Variants in RHBDL3 observed in about 807,000 individuals in gnomAD.
RHBDL3 encodes rhomboid-related protein 3.
In RHBDL3, 28 loss-of-function variants were observed where a neutral mutation model predicts 48.2. That is an observed-to-expected ratio of 0.58 (90% confidence interval 0.43 to 0.80). The LOEUF (loss-of-function observed/expected upper bound fraction) is 0.80, where lower values mean the gene tolerates loss of function less well. Ranked by LOEUF, RHBDL3 falls within the 30% of genes least tolerant of loss-of-function variation. The pLI, the probability that RHBDL3 is intolerant of heterozygous loss-of-function variation, is 0.00. For synonymous variants in RHBDL3, 208 were observed against 232.3 expected, an observed-to-expected ratio of 0.90 and a Z score of 0.95; for missense variants, 464 against 542.7, an observed-to-expected ratio of 0.85 and a Z score of 1.44.
chr17:32,292,943 G>A (rs1482100130), intron 4 of RHBDL3, among the ~76,000 whole-genome samples: 1 of 151,916 alleles, frequency 6.6e-6, no homozygotes, highest in Non-Finnish European at 1.5e-5. Context: ...AGCTGAGACT[G>A]CCCCACTGCA....
rs1164936390 is a variant in RHBDL3 at position 32,323,512 on chromosome 17, TGGTGTG to T, written c.*2288_*2293del. Reference sequence around the variant, plus strand: ...CCTGTCCTGGCCCCTGGGGATTCTGTGGTGTGGGTGGAATGAGCAGAGTGCCACCTC... The same window carrying T: ...CCTGTCCTGGCCCCTGGGGATTCTGTGGTGGAATGAGCAGAGTGCCACCTC... On this transcript the variant is annotated 3_prime_UTR_variant, in exon 9 of 9. Transcript: ENST00000269051. 1.3e-5 allele frequency: 2 copies of T among 152,338 alleles called. No homozygotes were observed. The highest frequency in any genetic ancestry group is 4.8e-5 in the African/African-American group (2 of 41,374). 9.4% of individuals were successfully genotyped at this position (152,338 alleles called of 1,614,324 possible). A position where few individuals can be genotyped will look rare whatever the true frequency, so the allele number is the denominator to read the frequency against.
rs1419239092 is a variant in RHBDL3 at position 32,296,718 on chromosome 17, T to C, written c.669-1374T>C. Among the ~76,000 whole-genome samples the C allele has an allele frequency of 4.6e-5, 7 of 152,240 alleles. No homozygotes were observed. The East Asian group carries it at 1.3e-3, about 29-fold the overall frequency. On this transcript the variant is annotated intron_variant, in intron 5 of 8. Coordinates refer to ENST00000269051, the MANE Select transcript of RHBDL3 (RefSeq NM_138328.3). ...TTGAATTATTAAGTTATAAGATGTA[T>C]ATTTAATGCCTGCACTTGTTTTGAG...
At chr17:32,285,058 G>T (rs2040161522) in intron 3 of RHBDL3, among the ~76,000 whole-genome samples, 1 of 151,404 alleles carries the variant, frequency 6.6e-6, no homozygotes, top group South Asian at 2.1e-4. Context: ...TCCTGTTGTG[G>T]CAGCAAAGTG....
rs1597604827 is a variant in RHBDL3, at chr17:32,269,442, G to T, written c.135+1517G>T. On this transcript the variant is annotated intron_variant, in intron 2 of 8. Transcript: ENST00000269051. ...CAAGTTCAGTTAGAGGAGCCAGCCG[G>T]TTGCAGATGCCGGAGTGGGCGTGAT... 2.6e-5 allele frequency among the ~76,000 whole-genome samples: 4 copies of T among 152,376 alleles called. No individual in the cohort carries two copies. The South Asian group carries it at 8.3e-4, about 32-fold the overall frequency.
intron 2 of RHBDL3, among the ~76,000 whole-genome samples, chr17:32,274,137 C>T (rs1567761670): frequency 6.6e-6 from 1 of 152,204 alleles, no homozygotes; most frequent in South Asian, 2.1e-4. Context: ...TCACATTTCC[C>T]CTGAACTTTC....
chr17:32,321,015 C>T lies in RHBDL3; in HGVS notation c.1001C>T (p.Pro334Leu), dbSNP rs774355408. 6.2e-6 allele frequency: 10 copies of T among 1,614,176 alleles called. No homozygotes were observed. Among genetic ancestry groups the T allele is most frequent in the South Asian group, 3.3e-5 (3 of 91,080 alleles). ...CGCTTCCACCCGTCGGCCTATCCCC[C>T]GTGCCCTCACCCAAGCTTTGTGGCG... ...WLRFHPSAYP[P>L]CPHPSFVAHL... Residue 334 changes from proline to leucine, a missense_variant, in exon 9 of 9, where the codon CCG (proline) becomes CTG (leucine). Pro to Leu is a moderately conservative substitution (Grantham distance 98, BLOSUM62 -3). Transcript: ENST00000269051.
chr17:32,283,865 C>T (rs1464695555), intron 2 of RHBDL3, among the ~76,000 whole-genome samples: 4 of 152,168 alleles, frequency 2.6e-5, no homozygotes, highest in Admixed American at 6.5e-5. Context: ...CTGGACAGAA[C>T]AGAGGGTTCC....
intron 7 of RHBDL3, among the ~76,000 whole-genome samples, chr17:32,312,179 C>T (rs1482593639): frequency 5.3e-5 from 8 of 152,204 alleles, no homozygotes; most frequent in African/African-American, 1.7e-4. Flanking sequence ...TCACGCCCTA[C>T]AATCCCAGCA....
Position 32,297,974 on chromosome 17 carries a change from A to T in RHBDL3, c.669-118A>T, listed in dbSNP as rs534404409. The T allele has an allele frequency of 9.8e-6, 7 of 715,200 alleles. No individual in the cohort carries two copies. In the South Asian group the frequency reaches 1.2e-4, roughly 12 times the overall value. The allele number at this position is 715,200 out of a possible 1,614,324, so 44.3% of individuals were successfully genotyped here. A position where few individuals can be genotyped will look rare whatever the true frequency, so the allele number is the denominator to read the frequency against. On this transcript the variant is annotated intron_variant, in intron 5 of 8. Coordinates refer to ENST00000269051, the MANE Select transcript of RHBDL3 (RefSeq NM_138328.3). ...TAGACCATGAGCTCCTCGCAGGCAG[A>T]GGTGGTCTTGTTCATTGCTGGATCC...
At position 32,291,324 on chromosome 17, in the gene RHBDL3, C is replaced by T. The variant is rs145664790; in HGVS notation, c.519+2308C>T. Among the ~76,000 whole-genome samples, 241 of 149,954 alleles carry T rather than the reference C, an allele frequency of 1.6e-3. 1 individual carries two copies. The highest frequency in any genetic ancestry group is 0.013 in the Admixed American group (194 of 15,000). On this transcript the variant is annotated intron_variant, in intron 4 of 8. Coordinates refer to ENST00000269051, the MANE Select transcript of RHBDL3 (RefSeq NM_138328.3). The stretch of plus-strand genomic sequence containing the variant: ...CTCCAGCCTGGGCGACAGAGCAAGA[C>T]TCCGTCTCAAAAAAGAAAAAAAGAA...
At chr17:32,296,981 A>G (rs2040466475) in intron 5 of RHBDL3, among the ~76,000 whole-genome samples, 2 of 151,696 alleles carry the variant, frequency 1.3e-5, no homozygotes, top group Non-Finnish European at 1.5e-5. Context: ...CAGCTTCTCT[A>G]GTAGCTGGGA....
chr17:32,324,533 G>C lies in RHBDL3; in HGVS notation c.*3304G>C, dbSNP rs11548608. The C allele has an allele frequency of 2.6e-5, 4 of 152,566 alleles. No individual in the cohort carries two copies. The highest frequency in any genetic ancestry group is 4.4e-5 in the Non-Finnish European group (3 of 68,032). The allele number at this position is 152,566 out of a possible 1,614,324, so 9.5% of individuals were successfully genotyped here. A position where few individuals can be genotyped will look rare whatever the true frequency, so the allele number is the denominator to read the frequency against. On this transcript the variant is annotated 3_prime_UTR_variant, in exon 9 of 9. Transcript: ENST00000269051. ...GCCCCTCCGAGGACTTGAGTAAGTG[G>C]AAAAAACAAAACACAGACTGCAATG...
rs575049240 is a variant in RHBDL3, at chr17:32,296,421, C to T, written c.669-1671C>T. Among the ~76,000 whole-genome samples the T allele has an allele frequency of 4.0e-4, 59 of 149,160 alleles. 1 individual carries two copies. The East Asian group carries it at 8.6e-3, about 22-fold the overall frequency. ...CGCGATCTTGGCTCACTGCAGCCAC[C>T]ACCTCCTGGGTTCAAGCGATTCTCC... On this transcript the variant is annotated intron_variant, in intron 5 of 8. Coordinates refer to ENST00000269051, the MANE Select transcript of RHBDL3 (RefSeq NM_138328.3).
rs73984515 is a variant in RHBDL3, at chr17:32,286,535, A to G, written c.294+1718A>G. On this transcript the variant is annotated intron_variant, in intron 3 of 8. Transcript: ENST00000269051. ...GAGCCTGCCTTTTCCCATTTGTAGA[A>G]TAGATCCAAAGGATCCTCTCTTTAG... is the stretch of plus-strand genomic sequence containing the variant. 6.2e-3 allele frequency among the ~76,000 whole-genome samples: 939 copies of G among 152,328 alleles called. 17 individuals carry two copies. Among genetic ancestry groups the G allele is most frequent in the African/African-American group, 0.021 (858 of 41,566 alleles).
chr17:32,317,989 G>A (rs9914933), intron 8 of RHBDL3, among the ~76,000 whole-genome samples: 2,001 of 150,624 alleles, frequency 0.013, 41 homozygotes, highest in African/African-American at 0.046. Context: ...TGGGAGGATC[G>A]CTTGAGCCCA....
At chr17:32,292,801 CAAAA>C (rs60403728) in intron 4 of RHBDL3, among the ~76,000 whole-genome samples, 38 of 77,252 alleles carry the variant, frequency 4.9e-4, no homozygotes, top group African/African-American at 1.4e-3. Flanking sequence ...GACTCCACCT[CAAAA>C]AAAAAAAAAA....
rs536613836 is a variant in RHBDL3, at chr17:32,266,342, C to A, written c.111+42C>A. ...CGCCCGGCAAACTTTCTAGGGGGCGCCGGGGGGAAAAGCCGCCCCTGTCTC... is the reference window on the plus strand; with the variant it reads ...CGCCCGGCAAACTTTCTAGGGGGCGACGGGGGGAAAAGCCGCCCCTGTCTC... On this transcript the variant is annotated intron_variant, in intron 1 of 8. Coordinates refer to ENST00000269051, the MANE Select transcript of RHBDL3 (RefSeq NM_138328.3). 1.8e-4 allele frequency: 207 copies of A among 1,146,240 alleles called. 1 individual carries two copies. In the African/African-American group the frequency reaches 3.1e-3, roughly 17 times the overall value. The allele number at this position is 1,146,240 out of a possible 1,614,324, so 71.0% of individuals were successfully genotyped here.
chr17:32,270,011 G>T (rs1459833323), intron 2 of RHBDL3, among the ~76,000 whole-genome samples: 1 of 151,732 alleles, frequency 6.6e-6, no homozygotes, highest in Non-Finnish European at 1.5e-5. Context: ...CTTCTGGGAG[G>T]CCTGCCCAGA....
intron 8 of RHBDL3, among the ~76,000 whole-genome samples, chr17:32,319,100 A>G (rs2041043887): frequency 6.6e-6 from 1 of 151,750 alleles, no homozygotes. Flanking sequence ...GAGGAAGGAA[A>G]GAGAAGCACG....
Sources: allele counts gnomAD v4.1 joint callset (sites outside exome capture counted in the v4.1 genomes callset), GRCh38; gene constraint gnomAD v4.1.1; transcripts MANE v1.5; gene names NCBI Gene and HGNC (gene_info 2026-07-23, HGNC 2026-07-21).